EFTUD2: variants seen among roughly 807,000 people sequenced by gnomAD.
EFTUD2 encodes the protein 116 kDa U5 small nuclear ribonucleoprotein component.
A neutral mutation model predicts 114.3 loss-of-function variants in EFTUD2; 9 were observed. The observed-to-expected ratio is 0.08, with a 90% CI of 0.05 to 0.14. The LOEUF (loss-of-function observed/expected upper bound fraction) is 0.14. Ranked by LOEUF, EFTUD2 falls within the 10% of genes least tolerant of loss-of-function variation. The pLI, the probability that EFTUD2 is intolerant of heterozygous loss-of-function variation, is 1.00. For missense variants in EFTUD2, 765 were observed against 1,241.2 expected, an observed-to-expected ratio of 0.62 and a Z score of 5.76; for synonymous variants, 449 against 462.3, an observed-to-expected ratio of 0.97 and a Z score of 0.37.
intron 11 of EFTUD2, among the ~76,000 whole-genome samples, chr17:44,871,037 C>T (rs911044514): frequency 6.6e-6 from 1 of 151,844 alleles, no homozygotes; most frequent in Non-Finnish European, 1.5e-5. Context: ...AGAAAAAGAA[C>T]CAAATTTTTC....
intron 23 of EFTUD2, chr17:44,853,910 T>C: frequency 7.3e-7 from 1 of 1,366,592 alleles, no homozygotes; most frequent in South Asian, 1.8e-5. Context: ...ATTTACATTT[T>C]TGTGGATGTA....
intron 2 of EFTUD2, among the ~76,000 whole-genome samples, chr17:44,888,559 A>G (rs1234673123): frequency 6.6e-6 from 1 of 152,208 alleles, no homozygotes; most frequent in African/African-American, 2.4e-5. Context: ...AAGAAATAAC[A>G]GTGGTGGTGG....
chr17:44,893,925 C>T (rs994288423), intron 2 of EFTUD2, among the ~76,000 whole-genome samples: 9 of 151,394 alleles, frequency 5.9e-5, no homozygotes, highest in Non-Finnish European at 8.8e-5. Context: ...AAACATTAGC[C>T]GGGCATGGTG....
intron 3 of EFTUD2, 107 bp from the exon 4 acceptor site, chr17:44,885,441 AATT>A: frequency 2.5e-6 from 2 of 788,474 alleles, no homozygotes; most frequent in Non-Finnish European, 4.3e-6. Flanking sequence ...GTATGACATC[AATT>A]TATTTTACTC....
Position 44,862,844 on chromosome 17 carries a change from G to C in EFTUD2, c.1476C>G (p.Ala492=), listed in dbSNP as rs776284894. The C allele has an allele frequency of 6.2e-7, 1 of 1,614,204 alleles. No homozygotes were observed. Among genetic ancestry groups the C allele is most frequent in the Non-Finnish European group, 8.5e-7 (1 of 1,180,028 alleles). The change falls in exon 16 of 28, where the codon GCC becomes GCG. Residue 492 remains alanine, a synonymous_variant. Transcript: ENST00000426333. ...TGGTGCCACTCAGCACCCGGCCAAA[G>C]GCGTGAAACTGGACTCCATCATCTG... ...YSTDDGVQFH[A]FGRVLSGTIH...
At chr17:44,867,199 A>G (rs2050761657) in intron 13 of EFTUD2, among the ~76,000 whole-genome samples, 1 of 152,072 alleles carries the variant, frequency 6.6e-6, no homozygotes, top group Non-Finnish European at 1.5e-5. Flanking sequence ...AACTGAAATG[A>G]TTAGTTCTAA....
chr17:44,869,746 T>C (rs7212451), intron 11 of EFTUD2, among the ~76,000 whole-genome samples: 39,772 of 152,044 alleles, frequency 0.26, 5,264 homozygotes, highest in Non-Finnish European at 0.28. Flanking sequence ...GCCCCATCTC[T>C]TTCCCTCGGC....
intron 27 of EFTUD2, 48 bp downstream of exon 27, chr17:44,851,660 TGA>T (rs2050452419): frequency 6.7e-7 from 1 of 1,482,234 alleles, no homozygotes; most frequent in Non-Finnish European, 9.0e-7. Context: ...ATCCTGCTTC[TGA>T]GAGTCCTGGG....
intron 25 of EFTUD2, 136 bp from the exon 26 acceptor site, chr17:44,852,698 A>C (rs986201799): frequency 9.5e-6 from 11 of 1,159,368 alleles, no homozygotes; most frequent in Non-Finnish European, 1.3e-5. Context: ...AGAATGTTCT[A>C]CAAAAAGCAG....
At position 44,850,858 on chromosome 17, in the gene EFTUD2, G is replaced by A; in HGVS notation, c.*416C>T. 1 of 235,738 alleles carries A rather than the reference G, an allele frequency of 4.2e-6. No homozygotes were observed. The highest frequency in any genetic ancestry group is 5.0e-5 in the Admixed American group (1 of 20,074). The allele number at this position is 235,738 out of a possible 1,614,324, so 14.6% of individuals were successfully genotyped here. A position where few individuals can be genotyped will look rare whatever the true frequency, so the allele number is the denominator to read the frequency against. ...TTGGGAGATGACATATATTCAGAATGTAAGCACCAGACGGGGCAGGGGAGA... is the reference window on the plus strand; with the variant it reads ...TTGGGAGATGACATATATTCAGAATATAAGCACCAGACGGGGCAGGGGAGA... On this transcript the variant is annotated 3_prime_UTR_variant, in exon 28 of 28. Coordinates refer to ENST00000426333, the MANE Select transcript of EFTUD2 (RefSeq NM_004247.4).
Position 44,859,864 on chromosome 17 carries a change from G to T in EFTUD2, c.1860+41C>A, listed in dbSNP as rs1299490168. 1.9e-6 allele frequency: 3 copies of T among 1,612,952 alleles called. No homozygotes were observed. The African/African-American group carries it at 4.0e-5, about 22-fold the overall frequency. The stretch of plus-strand genomic sequence containing the variant: ...TGTGCAGCTCTGCCCATTCAGCTGG[G>T]GATAGTGGGGCTTGGCGGCTGCTGC... On this transcript the variant is annotated intron_variant, in intron 18 of 27. Coordinates refer to ENST00000426333, the MANE Select transcript of EFTUD2 (RefSeq NM_004247.4).
chr17:44,868,141 C>A (rs1001177100), intron 12 of EFTUD2, 146 bp downstream of exon 12: 27 of 853,236 alleles, frequency 3.2e-5, no homozygotes, highest in Admixed American at 9.4e-5. Flanking sequence ...GGAAGCCAAC[C>A]CATTTAGGGG....
intron 13 of EFTUD2, 79 bp downstream of exon 13, chr17:44,867,720 TAGGGACAG>T: frequency 8.2e-7 from 1 of 1,215,884 alleles, no homozygotes; most frequent in Non-Finnish European, 1.1e-6. Context: ...TGAGCAGGTT[TAGGGACAG>T]AGGGAAGTGT....
rs116109555 is a variant in EFTUD2, at chr17:44,883,796, T to G, written c.351-72A>C. The G allele has an allele frequency of 1.0e-3, 1,566 of 1,510,920 alleles. 14 individuals carry two copies. The African/African-American group carries it at 0.019, about 18-fold the overall frequency. 93.6% of individuals were successfully genotyped at this position (1,510,920 alleles called of 1,614,324 possible). The stretch of plus-strand genomic sequence containing the variant: ...CAAATGAGGAGTGGTGTAAAGGTGT[T>G]TCAGGTATTTTTTGGCCAGGAACAA... On this transcript the variant is annotated intron_variant, in intron 4 of 27. Coordinates refer to ENST00000426333, the MANE Select transcript of EFTUD2 (RefSeq NM_004247.4).
At position 44,863,797 on chromosome 17, in the gene EFTUD2, G is replaced by T. The variant is rs774189610; in HGVS notation, c.1286-15C>A. 1.1e-5 allele frequency: 18 copies of T among 1,613,234 alleles called. No homozygotes were observed. Among genetic ancestry groups the T allele is most frequent in the Non-Finnish European group, 1.4e-5 (16 of 1,179,642 alleles). ...GTCCACAAAGCCTGTGGATGGAGAAGAGAAAGCCATTAATACATGCCTTCC... is the reference window on the plus strand; with the variant it reads ...GTCCACAAAGCCTGTGGATGGAGAATAGAAAGCCATTAATACATGCCTTCC... On this transcript the variant is annotated splice_polypyrimidine_tract_variant and intron_variant, in intron 14 of 27. Transcript: ENST00000426333.
At chr17:44,878,646 A>C (rs995040541) in intron 9 of EFTUD2, among the ~76,000 whole-genome samples, 1 of 152,236 alleles carries the variant, frequency 6.6e-6, no homozygotes, top group Non-Finnish European at 1.5e-5. Context: ...TTTACTTTCA[A>C]ACAGTTCAAG....
At chr17:44,895,473 G>A (rs943315341) in intron 1 of EFTUD2, among the ~76,000 whole-genome samples, 1 of 146,354 alleles carries the variant, frequency 6.8e-6, no homozygotes, top group Admixed American at 6.9e-5. Context: ...TCCAGCCTGG[G>A]AGACAGAACA....
At chr17:44,851,987 G>C (rs573566307) in intron 26 of EFTUD2, among the ~76,000 whole-genome samples, 170 bp from the exon 27 acceptor site, 1 of 151,958 alleles carries the variant, frequency 6.6e-6, no homozygotes, top group African/African-American at 2.4e-5. Context: ...GCATGATCTC[G>C]GCTCAATGCA....
chr17:44,869,711 G>C (rs1192827928), intron 11 of EFTUD2, among the ~76,000 whole-genome samples: 1 of 152,112 alleles, frequency 6.6e-6, no homozygotes, highest in Non-Finnish European at 1.5e-5. Flanking sequence ...TGGAATTCTT[G>C]GCTTTCTACT....
Sources: gnomAD v4.1 joint callset for allele counts (sites outside exome capture counted in the v4.1 genomes callset) on GRCh38, gnomAD v4.1.1 for gene constraint, MANE v1.5 for transcripts, NCBI Gene and HGNC (gene_info 2026-07-23, HGNC 2026-07-21) for gene names.